Variants in PRKG1 observed in about 807,000 individuals in gnomAD.
PRKG1 encodes the protein protein kinase cGMP-dependent 1.
Under a neutral mutation model 88.1 loss-of-function variants are expected in PRKG1, and 35 were observed. The observed-to-expected ratio is 0.40, with a 90% CI of 0.30 to 0.53. The LOEUF (loss-of-function observed/expected upper bound fraction) is 0.53. Among genes scored for constraint, PRKG1 ranks in the 20% least tolerant of loss-of-function variants. The pLI is 0.59. For synonymous variants in PRKG1, 303 were observed against 292.5 expected, an observed-to-expected ratio of 1.04 and a Z score of -0.37; for missense variants, 540 against 839.8, an observed-to-expected ratio of 0.64 and a Z score of 4.41.
intron 3 of PRKG1, among the ~76,000 whole-genome samples, chr10:51,769,518 A>G (rs74132415): frequency 0.046 from 7,079 of 152,276 alleles, 527 homozygotes; most frequent in African/African-American, 0.16. Flanking sequence ...AATATTCCAC[A>G]TATGAAATAT....
intron 9 of PRKG1, among the ~76,000 whole-genome samples, chr10:52,193,563 C>CAAAAAAAAAAAAAAAAAAAA (rs67349420): frequency 1.7e-5 from 2 of 118,512 alleles, no homozygotes; most frequent in African/African-American, 6.7e-5. Context: ...AAAAAAAAAA[C>CAAAAAAAAAAAAAAAAAAAA]AAAAAAAAAA....
In PRKG1 at chr10:52,288,804, G is replaced by T; in HGVS notation, c.1788G>T (p.Lys596Asn). 1 of 1,607,470 alleles carries T rather than the reference G, an allele frequency of 6.2e-7. No individual in the cohort carries two copies. The highest frequency in any genetic ancestry group is 8.5e-7 in the Non-Finnish European group (1 of 1,177,222). ...LRGIDMIEFP[K>N]KIAKNAANLI... ...GGATTGACATGATAGAATTTCCAAA[G>T]AAGATTGCCAAAAATGCTGCTAATT... is the stretch of plus-strand genomic sequence containing the variant. The change falls in exon 15 of 18, where the codon AAG becomes AAT. Residue 596 changes from lysine (K) to asparagine (N), a missense_variant. Around this residue, in one of 5 missense-constraint regions of PRKG1, gnomAD observed 97 missense variants for 210.6 expected, o/e 0.46. Coordinates refer to ENST00000373980, the MANE Select transcript of PRKG1 (RefSeq NM_006258.4).
At chr10:51,189,497 G>A (rs1346236482) in intron 2 of PRKG1, among the ~76,000 whole-genome samples, 2 of 151,850 alleles carry the variant, frequency 1.3e-5, no homozygotes, top group East Asian at 1.9e-4. Flanking sequence ...CTAGTTCCCT[G>A]TGGCCCATGG....
At chr10:51,589,193 G>A (rs1203286310) in intron 3 of PRKG1, among the ~76,000 whole-genome samples, 1 of 152,144 alleles carries the variant, frequency 6.6e-6, no homozygotes, top group Non-Finnish European at 1.5e-5. Flanking sequence ...TAGCTGCTAT[G>A]TACTTTGCTG....
At chr10:51,120,665 A>G (rs1845239993) in intron 1 of PRKG1, among the ~76,000 whole-genome samples, 2 of 152,182 alleles carry the variant, frequency 1.3e-5, no homozygotes, top group Admixed American at 6.6e-5. Flanking sequence ...TAGTTAAGTA[A>G]TAGACCAAGT....
chr10:52,072,158 C>CTTTTTTTTTTTTTTTTTTTTTTTTT (rs60576406), intron 7 of PRKG1, among the ~76,000 whole-genome samples: 24 of 39,566 alleles, frequency 6.1e-4, no homozygotes, highest in East Asian at 1.2e-3. Context: ...TATTGTTTTG[C>CTTTTTTTTTTTTTTTTTTTTTTTTT]TTTTTTTTTT....
intron 13 of PRKG1, among the ~76,000 whole-genome samples, chr10:52,281,556 C>T (rs562101320): frequency 5.9e-5 from 9 of 152,006 alleles, no homozygotes; most frequent in Non-Finnish European, 8.8e-5. Context: ...TCAACCAAAT[C>T]GTTTTAGAAA....
intron 3 of PRKG1, among the ~76,000 whole-genome samples, chr10:51,576,180 C>T (rs1294351293): frequency 6.6e-6 from 1 of 151,832 alleles, no homozygotes; most frequent in East Asian, 1.9e-4. Context: ...AGTTAGGTAC[C>T]CTGATTACAG....
intron 3 of PRKG1, among the ~76,000 whole-genome samples, chr10:51,764,427 G>C (rs1056916891): frequency 2.6e-5 from 4 of 152,142 alleles, no homozygotes; most frequent in Non-Finnish European, 5.9e-5. Context: ...TAATTAAGTT[G>C]CTGATGCTTT....
intron 9 of PRKG1, among the ~76,000 whole-genome samples, chr10:52,190,408 T>C (rs1409096091): frequency 6.6e-6 from 1 of 152,188 alleles, no homozygotes; most frequent in Non-Finnish European, 1.5e-5. Flanking sequence ...TTCTGTTAAA[T>C]AAAACATAGT....
intron 2 of PRKG1, among the ~76,000 whole-genome samples, chr10:51,375,129 A>G (rs1286524255): frequency 6.6e-6 from 1 of 152,214 alleles, no homozygotes; most frequent in African/African-American, 2.4e-5. Flanking sequence ...AAGAGAGGGA[A>G]TTAAATAAGG....
chr10:51,456,496 T>C (rs1839588862), intron 2 of PRKG1, among the ~76,000 whole-genome samples: 1 of 150,248 alleles, frequency 6.7e-6, no homozygotes, highest in Non-Finnish European at 1.5e-5. Context: ...TTCTAGAAAA[T>C]AACATAGGAA....
intron 3 of PRKG1, among the ~76,000 whole-genome samples, chr10:51,626,734 G>A (rs1839346398): frequency 6.6e-6 from 1 of 152,074 alleles, no homozygotes; most frequent in Non-Finnish European, 1.5e-5. Context: ...CCTGGTATTG[G>A]CATCATCTTG....
intron 1 of PRKG1, among the ~76,000 whole-genome samples, chr10:51,141,430 A>C (rs139740512): frequency 6.7e-4 from 102 of 152,304 alleles, no homozygotes; most frequent in Middle Eastern, 3.4e-3. Flanking sequence ...ACTTACTTCC[A>C]TAAATACTAT....
chr10:51,886,501 T>A (rs1032897769), intron 4 of PRKG1, among the ~76,000 whole-genome samples: 1 of 152,170 alleles, frequency 6.6e-6, no homozygotes, highest in Admixed American at 6.5e-5. Context: ...GGAGTTTCTT[T>A]TCGACCTGCT....
rs1564599597 is a variant in PRKG1 at position 51,670,756 on chromosome 10, ATAAATAAAT to A, written c.593-133828_593-133820del. Among the ~76,000 whole-genome samples the A allele has an allele frequency of 9.6e-3, 1,032 of 107,208 alleles. 22 individuals carry two copies. Among genetic ancestry groups the A allele is most frequent in the Non-Finnish European group, 0.015 (671 of 45,706 alleles). The allele number at this position is 107,208 out of a possible 152,430, so 70.3% of individuals were successfully genotyped here. On this transcript the variant is annotated intron_variant, in intron 3 of 17. Coordinates refer to ENST00000373980, the MANE Select transcript of PRKG1 (RefSeq NM_006258.4). ...GTCTCAAAAAAAAATAAATAAATAA[ATAAATAAAT>A]AAATAAATAAATAAATAAATAAAAA...
chr10:51,538,839 T>A (rs1842230102), intron 3 of PRKG1, among the ~76,000 whole-genome samples: 1 of 152,114 alleles, frequency 6.6e-6, no homozygotes, highest in South Asian at 2.1e-4. Context: ...TATCTTAGAC[T>A]GCTGGTATTA....
At chr10:51,077,036 A>G (rs554453201) in intron 1 of PRKG1, among the ~76,000 whole-genome samples, 1 of 152,328 alleles carries the variant, frequency 6.6e-6, no homozygotes, top group African/African-American at 2.4e-5. Context: ...ACTTACATAA[A>G]GAAAACTAGA....
At chr10:51,325,516 T>C (rs211080) in intron 2 of PRKG1, among the ~76,000 whole-genome samples, 5,785 of 152,258 alleles carry the variant, frequency 0.038, 352 homozygotes, top group African/African-American at 0.13. Flanking sequence ...TTTTTCAGTG[T>C]ATCCCTTGTC....
Sources: allele counts gnomAD v4.1 joint callset (sites outside exome capture counted in the v4.1 genomes callset), GRCh38; gene constraint gnomAD v4.1.1; regional missense constraint gnomAD v4.1.1; transcripts MANE v1.5; gene names NCBI Gene and HGNC (gene_info 2026-07-23, HGNC 2026-07-21).